The following RBM20 variants were observed in gnomAD, a reference collection of about 807,000 sequenced individuals.
The protein encoded by RBM20 is RNA-binding protein 20.
RBM20 carries 51 observed loss-of-function variants against 110.1 expected under a neutral mutation model. The ratio of observed to expected loss-of-function variants is 0.46; its 90% CI spans 0.37 to 0.59. The LOEUF (loss-of-function observed/expected upper bound fraction) is 0.59, where lower values mean the gene tolerates loss of function less well. RBM20 is among the 20% of genes least tolerant of loss of function. RBM20 has a pLI of 0.00. For synonymous variants in RBM20, 589 were observed against 618.2 expected, an observed-to-expected ratio of 0.95 and a Z score of 0.70; for missense variants, 1,512 against 1,574.9, an observed-to-expected ratio of 0.96 and a Z score of 0.68.
At chr10:110,707,220 A>T (rs1226460717) in intron 1 of RBM20, among the ~76,000 whole-genome samples, 1 of 152,216 alleles carries the variant, frequency 6.6e-6, no homozygotes, top group African/African-American at 2.4e-5. Context: ...TGTATTAGAA[A>T]ATCTATCCTA....
rs1458302599 is a variant in RBM20, at chr10:110,799,782, C to T, written c.1669-5C>T. On this transcript the variant is annotated splice_region_variant and splice_polypyrimidine_tract_variant and intron_variant, in intron 6 of 13. Transcript: ENST00000369519. ...TCCAGTGAGTGTCCTTCCTTTCTTT[C>T]TTAGGCCTTTTTAGAGATGGCTTAC... 3 of 1,550,192 alleles carry T rather than the reference C, an allele frequency of 1.9e-6. No individual in the cohort carries two copies. The highest frequency in any genetic ancestry group is 2.6e-6 in the Non-Finnish European group (3 of 1,146,338).
intron 1 of RBM20, among the ~76,000 whole-genome samples, chr10:110,730,556 C>A (rs1490501914): frequency 6.6e-6 from 1 of 152,222 alleles, no homozygotes; most frequent in East Asian, 1.9e-4. Flanking sequence ...CCTGGCTGTG[C>A]TATTGACATT....
chr10:110,728,341 G>A (rs1030833005), intron 1 of RBM20, among the ~76,000 whole-genome samples: 1 of 152,138 alleles, frequency 6.6e-6, no homozygotes, highest in Non-Finnish European at 1.5e-5. Flanking sequence ...TATCTGGGTA[G>A]CCCAAGGTCC....
chr10:110,712,702 G>A (rs1862953171), intron 1 of RBM20, among the ~76,000 whole-genome samples: 1 of 152,218 alleles, frequency 6.6e-6, no homozygotes, highest in Admixed American at 6.5e-5. Context: ...GGGAAGCAGA[G>A]ATTGCAGTGA....
At chr10:110,735,794 T>C (rs1438112687) in intron 1 of RBM20, among the ~76,000 whole-genome samples, 2 of 152,222 alleles carry the variant, frequency 1.3e-5, no homozygotes, top group African/African-American at 4.8e-5. Context: ...CACTGACCCA[T>C]GCACGAAAGG....
At chr10:110,710,002 C>T (rs1403780464) in intron 1 of RBM20, among the ~76,000 whole-genome samples, 1 of 152,204 alleles carries the variant, frequency 6.6e-6, no homozygotes, top group Non-Finnish European at 1.5e-5. Flanking sequence ...CCCTCCTACA[C>T]GTCCTCCAGA....
At chr10:110,658,611 G>A (rs770971116) in intron 1 of RBM20, among the ~76,000 whole-genome samples, 7 of 151,970 alleles carry the variant, frequency 4.6e-5, no homozygotes, top group South Asian at 2.1e-4. Context: ...CTCTACCCCC[G>A]GCCTCCTGCT....
Position 110,821,863 on chromosome 10 carries a change from C to T in RBM20, c.3244C>T (p.Leu1082=). 6.4e-7 allele frequency: 1 copy of T among 1,551,718 alleles called. No homozygotes were observed. The highest frequency in any genetic ancestry group is 8.7e-7 in the Non-Finnish European group (1 of 1,146,984). ...AGATGGGGCTTGTGAAGGCAGCCCC[C>T]TGGAGGAGAAAGCCAGCCCCCCCAT... is the stretch of plus-strand genomic sequence containing the variant. The part of the protein sequence containing the change: ...PEDGACEGSP[L]EEKASPPIET... Residue 1082 remains leucine, a synonymous_variant, in exon 11 of 14, where the codon CTG becomes TTG. Coordinates refer to ENST00000369519, the MANE Select transcript of RBM20 (RefSeq NM_001134363.3).
intron 1 of RBM20, among the ~76,000 whole-genome samples, chr10:110,668,299 G>A (rs1862209252): frequency 6.6e-6 from 1 of 152,122 alleles, no homozygotes; most frequent in African/African-American, 2.4e-5. Flanking sequence ...CCTGCTATCT[G>A]ACTGTGTGCG....
chr10:110,744,173 A>G (rs1843751991), intron 1 of RBM20, among the ~76,000 whole-genome samples: 1 of 152,162 alleles, frequency 6.6e-6, no homozygotes. Flanking sequence ...TACAGAGGAA[A>G]TGCAAGCGGA....
At chr10:110,666,637 C>A (rs994385238) in intron 1 of RBM20, among the ~76,000 whole-genome samples, 2 of 152,042 alleles carry the variant, frequency 1.3e-5, no homozygotes, top group Non-Finnish European at 2.9e-5. Context: ...CAGAGAGAGA[C>A]CCTGTCTCAG....
In RBM20 at chr10:110,821,725, G is replaced by T. The variant is rs2135122047; in HGVS notation, c.3106G>T (p.Asp1036Tyr). 1 of 1,551,804 alleles carries T rather than the reference G, an allele frequency of 6.4e-7. No homozygotes were observed. Among genetic ancestry groups the T allele is most frequent in the East Asian group, 2.4e-5 (1 of 40,924 alleles). Residue 1036 changes from aspartate to tyrosine, a missense_variant, in exon 11 of 14, where the codon GAT becomes TAT. Asp to Tyr is a radical substitution (Grantham distance 160). Transcript: ENST00000369519. ...EKEAKGVESS[D>Y]VHPAPTVQQM... ...GGAGGCAAAGGGAGTGGAGAGCTCA[G>T]ATGTTCATCCAGCCCCTACAGTCCA... is the stretch of plus-strand genomic sequence containing the variant.
intron 7 of RBM20, among the ~76,000 whole-genome samples, chr10:110,803,838 A>T (rs1844662056): frequency 6.8e-6 from 1 of 147,378 alleles, no homozygotes; most frequent in African/African-American, 2.5e-5. Flanking sequence ...AAAAAAAAAA[A>T]AGAATTTATG....
chr10:110,769,962 T>C (rs72641327), intron 1 of RBM20, among the ~76,000 whole-genome samples: 22,681 of 152,172 alleles, frequency 0.15, 2,160 homozygotes, highest in East Asian at 0.38. Flanking sequence ...CAAGTGATCC[T>C]TCTGCTGTGG....
chr10:110,696,411 C>T (rs182286175), intron 1 of RBM20, among the ~76,000 whole-genome samples: 12 of 152,314 alleles, frequency 7.9e-5, no homozygotes, highest in African/African-American at 2.6e-4. Context: ...GAGGCATCCT[C>T]CCCTTTGCTG....
Position 110,781,316 on chromosome 10 carries a change from C to G in RBM20, c.707C>G (p.Ser236Cys), listed in dbSNP as rs548382173. Residue 236 changes from serine to cysteine, a missense_variant, in exon 2 of 14, where the codon TCT (serine) becomes TGT (cysteine). This residue lies in a region of RBM20 where 1,149 missense variants were observed against 1,169.4 expected (regional missense o/e 0.98). Coordinates refer to ENST00000369519, the MANE Select transcript of RBM20 (RefSeq NM_001134363.3). The stretch of plus-strand genomic sequence containing the variant: ...TTCTATGAGTATGGCAAAGCCAGCT[C>G]TGGCCAGACATATGGCCCTGAAACA... ...AGFYEYGKAS[S>C]GQTYGPETDG... 2 of 1,551,738 alleles carry G rather than the reference C, an allele frequency of 1.3e-6. No homozygotes were observed. Among genetic ancestry groups the G allele is most frequent in the Admixed American group, 3.9e-5 (2 of 51,012 alleles).
chr10:110,803,642 C>T (rs1369989462), intron 7 of RBM20, among the ~76,000 whole-genome samples: 1 of 151,734 alleles, frequency 6.6e-6, no homozygotes, highest in African/African-American at 2.4e-5. Flanking sequence ...TGCCATATTC[C>T]CTCTTAAGGC....
chr10:110,812,698 G>A lies in RBM20; in HGVS notation c.2301G>A (p.Lys767=). ...ACTACCGGAAAGAGCCCAAAGCCAAGTCGGACAAGTATCTGAAGCAGCAGC... is the reference window on the plus strand; with the variant it reads ...ACTACCGGAAAGAGCCCAAAGCCAAATCGGACAAGTATCTGAAGCAGCAGC... ...DGYYRKEPKA[K]SDKYLKQQQD... Residue 767 remains lysine (K), a synonymous_variant, in exon 9 of 14, where the codon AAG becomes AAA. Coordinates refer to ENST00000369519, the MANE Select transcript of RBM20 (RefSeq NM_001134363.3). 6.4e-7 allele frequency: 1 copy of A among 1,551,750 alleles called. No homozygotes were observed. The highest frequency in any genetic ancestry group is 8.7e-7 in the Non-Finnish European group (1 of 1,147,012).
chr10:110,816,228 C>T (rs1844836456), intron 9 of RBM20, among the ~76,000 whole-genome samples: 1 of 152,136 alleles, frequency 6.6e-6, no homozygotes, highest in Non-Finnish European at 1.5e-5. Context: ...TGTCCCTGGC[C>T]ACTGCACATG....
Sources: allele counts gnomAD v4.1 joint callset (sites outside exome capture counted in the v4.1 genomes callset), GRCh38; gene constraint gnomAD v4.1.1; regional missense constraint gnomAD v4.1.1; transcripts MANE v1.5; gene names NCBI Gene and HGNC (gene_info 2026-07-23, HGNC 2026-07-21).